The following PITPNB variants were observed in gnomAD, a reference collection of about 807,000 sequenced individuals.
PITPNB encodes phosphatidylinositol transfer protein beta isoform.
Under a neutral mutation model 45.9 loss-of-function variants are expected in PITPNB, and 16 were observed. The observed-to-expected ratio is 0.35, with a 90% CI of 0.24 to 0.53. The LOEUF is 0.53. Ranked by LOEUF, PITPNB falls within the 20% of genes least tolerant of loss-of-function variation. PITPNB has a pLI of 0.93. For synonymous variants in PITPNB, 112 were observed against 108.9 expected (o/e 1.03, Z -0.18); for missense variants, 188 against 330.5 (o/e 0.57, Z 3.34).
chr22:27,869,585 A>T (rs1326993247), intron 8 of PITPNB, among the ~76,000 whole-genome samples: 2 of 152,176 alleles, frequency 1.3e-5, no homozygotes, highest in African/African-American at 4.8e-5. Context: ...CCTAGATACC[A>T]GAATGAGGGG....
chr22:27,919,120 T>A, intron 1 of PITPNB, 52 bp downstream of exon 1: 1 of 1,613,642 alleles, frequency 6.2e-7, no homozygotes, highest in Non-Finnish European at 8.5e-7. Context: ...CATCAACAAA[T>A]CTCCCATCAC....
chr22:27,890,451 A>T (rs1381551101), intron 7 of PITPNB, among the ~76,000 whole-genome samples: 2 of 151,872 alleles, frequency 1.3e-5, no homozygotes, highest in Non-Finnish European at 2.9e-5. Flanking sequence ...AGCTCCTGTG[A>T]CACAAAGGTC....
At chr22:27,872,317 C>T (rs1388303177) in intron 8 of PITPNB, among the ~76,000 whole-genome samples, 6 of 151,934 alleles carry the variant, frequency 3.9e-5, no homozygotes, top group Non-Finnish European at 1.5e-5. Flanking sequence ...TGGTATTGAA[C>T]TCCTGACCTC....
In PITPNB at chr22:27,911,211, C is replaced by T. The variant is rs1601430292; in HGVS notation, c.52-102G>A. ...TATAGATGATATAGAAAAGCATATC[C>T]AAACCATTCAGCACAACTGTGTTCA... On this transcript the variant is annotated intron_variant, in intron 2 of 11. Transcript: ENST00000335272. The T allele has an allele frequency of 1.4e-5, 11 of 760,580 alleles. No individual in the cohort carries two copies. In the East Asian group the frequency reaches 2.6e-4, roughly 18 times the overall value. The allele number at this position is 760,580 out of a possible 1,614,324, so 47.1% of individuals were successfully genotyped here. A position where few individuals can be genotyped will look rare whatever the true frequency, so the allele number is the denominator to read the frequency against.
At chr22:27,874,436 C>T (rs1053151123) in intron 7 of PITPNB, among the ~76,000 whole-genome samples, 1 of 152,078 alleles carries the variant, frequency 6.6e-6, no homozygotes, top group Non-Finnish European at 1.5e-5. Context: ...TCAAAGGAGG[C>T]GAAGGAGGGG....
chr22:27,861,371 T>A (rs1185478811), intron 8 of PITPNB, among the ~76,000 whole-genome samples: 1 of 152,134 alleles, frequency 6.6e-6, no homozygotes, highest in African/African-American at 2.4e-5. Flanking sequence ...ATGTTATTAT[T>A]GATGATTTCT....
intron 2 of PITPNB, among the ~76,000 whole-genome samples, chr22:27,912,236 C>T (rs567441127): frequency 1.3e-5 from 2 of 152,282 alleles, no homozygotes; most frequent in African/African-American, 4.8e-5. Flanking sequence ...ATGATGCTAT[C>T]TTGCCTATTA....
chr22:27,858,830 TC>T (rs1934241444), intron 9 of PITPNB, among the ~76,000 whole-genome samples: 1 of 152,206 alleles, frequency 6.6e-6, no homozygotes, highest in Non-Finnish European at 1.5e-5. Flanking sequence ...TTTACCTTTT[TC>T]TAAATGTCAA....
chr22:27,888,965 T>C (rs780644078), intron 7 of PITPNB, among the ~76,000 whole-genome samples: 7 of 152,214 alleles, frequency 4.6e-5, no homozygotes, highest in Non-Finnish European at 1.5e-5. Flanking sequence ...ATTTCCACTT[T>C]AGGCATTAGC....
At chr22:27,909,028 A>C (rs1199985022) in intron 3 of PITPNB, among the ~76,000 whole-genome samples, 1 of 152,138 alleles carries the variant, frequency 6.6e-6, no homozygotes, top group Non-Finnish European at 1.5e-5. Flanking sequence ...ATATAAAAAA[A>C]ATCTGATCAT....
chr22:27,865,257 C>A (rs1934451813), intron 8 of PITPNB, among the ~76,000 whole-genome samples: 1 of 152,068 alleles, frequency 6.6e-6, no homozygotes, highest in South Asian at 2.1e-4. Context: ...CCAACTTTAC[C>A]CTAAATTATC....
At chr22:27,914,270 T>G (rs750861187) in intron 2 of PITPNB, 47 bp downstream of exon 2, 3 of 1,217,982 alleles carry the variant, frequency 2.5e-6, no homozygotes, top group Admixed American at 3.4e-5. Flanking sequence ...CATATCAAAG[T>G]ACAGTACATA....
At chr22:27,891,938 C>T (rs367814070) in intron 7 of PITPNB, among the ~76,000 whole-genome samples, 1 of 152,152 alleles carries the variant, frequency 6.6e-6, no homozygotes, top group South Asian at 2.1e-4. Context: ...ACCAACTTGT[C>T]CAAGATTAAA....
chr22:27,910,752 G>A, intron 3 of PITPNB: 1 of 458,404 alleles, frequency 2.2e-6, no homozygotes, highest in Non-Finnish European at 3.9e-6. Flanking sequence ...AAGGAGCAGG[G>A]ACTAAGTTTT....
At chr22:27,880,626 A>AT (rs968393695) in intron 7 of PITPNB, among the ~76,000 whole-genome samples, 1,538 of 146,398 alleles carry the variant, frequency 0.011, 20 homozygotes, top group African/African-American at 0.032. Flanking sequence ...GTACACACCG[A>AT]TTTTTTTTTT....
chr22:27,896,530 A>G (rs756155101), intron 6 of PITPNB, 22 bp downstream of exon 6: 3 of 1,542,616 alleles, frequency 1.9e-6, no homozygotes, highest in Admixed American at 3.3e-5. Flanking sequence ...TTTTGTACTA[A>G]AAGTGCAGAG....
intron 7 of PITPNB, among the ~76,000 whole-genome samples, chr22:27,877,358 G>A (rs968070497): frequency 6.6e-6 from 1 of 152,126 alleles, no homozygotes; most frequent in African/African-American, 2.4e-5. Flanking sequence ...TCGGATTAGT[G>A]TTAATACAAC....
chr22:27,862,985 T>C (rs1182773595), intron 8 of PITPNB, among the ~76,000 whole-genome samples: 2 of 152,222 alleles, frequency 1.3e-5, no homozygotes, highest in Non-Finnish European at 2.9e-5. Context: ...AGCTTCTAAG[T>C]GCCCAGCTTT....
intron 7 of PITPNB, among the ~76,000 whole-genome samples, chr22:27,875,489 A>T (rs1430583201): frequency 6.6e-6 from 1 of 152,244 alleles, no homozygotes; most frequent in East Asian, 1.9e-4. Context: ...CTGATTGACA[A>T]AAGAATCAAC....
Sources: allele counts gnomAD v4.1 joint callset (sites outside exome capture counted in the v4.1 genomes callset), GRCh38; gene constraint gnomAD v4.1.1; transcripts MANE v1.5; gene names NCBI Gene and HGNC (gene_info 2026-07-23, HGNC 2026-07-21).